The following NUDT8 variants were observed in gnomAD, a reference collection of about 807,000 sequenced individuals.
The protein encoded by NUDT8 is mitochondrial coenzyme A diphosphatase NUDT8.
In NUDT8, 14 loss-of-function variants were observed where a neutral mutation model predicts 12.5. That is an observed-to-expected ratio of 1.12 (90% CI 0.74 to 1.75). The LOEUF is 1.75. Among genes scored for constraint, NUDT8 ranks in the 40% most tolerant of loss-of-function variants. The pLI is 0.00. For synonymous variants in NUDT8, 163 were observed against 156.2 expected (o/e 1.04, Z -0.33); for missense variants, 337 against 318.5 (o/e 1.06, Z -0.44).
intron 1 of NUDT8, 168 bp from the exon 2 acceptor site, chr11:67,629,219 T>C (rs938805416): frequency 1.4e-5 from 9 of 638,226 alleles, no homozygotes; most frequent in Non-Finnish European, 2.1e-5. Context: ...CCAGTTTACC[T>C]CCCTGAGCAA....
chr11:67,629,362 GTTC>G, intron 1 of NUDT8: 1 of 413,484 alleles, frequency 2.4e-6, no homozygotes. Context: ...TCCTCAGGAT[GTTC>G]TTAATTCCCG....
chr11:67,628,310 T>C lies in NUDT8; in HGVS notation c.405+13A>G, dbSNP rs2134094289. The stretch of plus-strand genomic sequence containing the variant: ...ACTGGAACAGCCCAACCCCCTCATA[T>C]CCCCCAGCTCACCTCCTCCGAGTTG... On this transcript the variant is annotated intron_variant, in intron 3 of 3. Transcript: ENST00000376693. The C allele has an allele frequency of 6.2e-7, 1 of 1,613,662 alleles. No homozygotes were observed. Among genetic ancestry groups the C allele is most frequent in the Non-Finnish European group, 8.5e-7 (1 of 1,179,926 alleles).
rs775716950 is a variant in NUDT8, at chr11:67,629,795, G to A, written c.117C>T (p.Cys39=). Residue 39 remains cysteine (C), a synonymous_variant, in exon 1 of 4, where the codon TGC becomes TGT. Transcript: ENST00000376693. ...PASAAVLVPL[C]SVRGVPALLY... Reference sequence around the variant, plus strand: ...GCAGCGCCGGGACCCCACGCACTGAGCAGAGCGGCACGAGCACCGCGGCCG... The same window carrying A: ...GCAGCGCCGGGACCCCACGCACTGAACAGAGCGGCACGAGCACCGCGGCCG... 3.3e-5 allele frequency: 49 copies of A among 1,488,772 alleles called. No homozygotes were observed. The African/African-American group carries it at 4.9e-4, about 15-fold the overall frequency. 92.2% of individuals were successfully genotyped at this position (1,488,772 alleles called of 1,614,324 possible). A position where few individuals can be genotyped will look rare whatever the true frequency, so the allele number is the denominator to read the frequency against.
In NUDT8 at chr11:67,628,029, C is replaced by A; in HGVS notation, c.628G>T (p.Ala210Ser). 6.3e-7 allele frequency: 1 copy of A among 1,598,350 alleles called. No individual in the cohort carries two copies. The highest frequency in any genetic ancestry group is 8.5e-7 in the Non-Finnish European group (1 of 1,179,772). Reference sequence around the variant, plus strand: ...TGCTTAGGGCGGGCCAGACCCTCAGCCCCTGAGCAGGTCAGGCCGGCCAGG... The same window carrying A: ...TGCTTAGGGCGGGCCAGACCCTCAGACCCTGAGCAGGTCAGGCCGGCCAGG... ...PRLAGLTCSG[A>S]EGLARPKQPL... is the part of the protein sequence containing the mutation. The change falls in exon 4 of 4, where the codon GCT becomes TCT. Residue 210 changes from alanine to serine, a missense_variant. Physicochemically the swap from Ala to Ser is moderately conservative, Grantham distance 99. Coordinates refer to ENST00000376693, the MANE Select transcript of NUDT8 (RefSeq NM_001243750.2).
chr11:67,628,155 G>A lies in NUDT8; in HGVS notation c.502C>T (p.Leu168=), dbSNP rs1369037541. The change falls in exon 4 of 4, where the codon CTA becomes TTA. Residue 168 remains leucine (L), a synonymous_variant. Coordinates refer to ENST00000376693, the MANE Select transcript of NUDT8 (RefSeq NM_001243750.2). ...TGTGGTCCATGCAGGAAGACGGGTA[G>A]TGTGTAGCGGAAGTGGCCACCCCGG... ...FCRGGHFRYT[L]PVFLHGPHRV... 2 of 1,602,938 alleles carry A rather than the reference G, an allele frequency of 1.2e-6. No homozygotes were observed. Among genetic ancestry groups the A allele is most frequent in the Admixed American group, 3.3e-5 (2 of 60,022 alleles).
chr11:67,628,178 C>G lies in NUDT8; in HGVS notation c.479G>C (p.Arg160Pro). Residue 160 changes from arginine (R) to proline (P), a missense_variant, in exon 4 of 4, where the codon CGG becomes CCG. Arg to Pro is a moderately radical substitution (Grantham distance 103, BLOSUM62 -2). Transcript: ENST00000376693. ...TQNQGYTHFCRGGHFRYTLPV... is the reference protein window; with the variant it reads ...TQNQGYTHFCPGGHFRYTLPV... ...TAGTGTGTAGCGGAAGTGGCCACCC[C>G]GGCAGAAGTGGGTATAGCCCTGATT... 1 of 1,607,650 alleles carries G rather than the reference C, an allele frequency of 6.2e-7. No homozygotes were observed. The highest frequency in any genetic ancestry group is 8.5e-7 in the Non-Finnish European group (1 of 1,179,824).
At position 67,629,825 on chromosome 11, in the gene NUDT8, G is replaced by A; in HGVS notation, c.87C>T (p.Pro29=). The change falls in exon 1 of 4, where the codon CCC becomes CCT. Residue 29 remains proline, a synonymous_variant. Transcript: ENST00000376693. ...AGATARLRAR[P]ASAAVLVPLC... ...GCGGCACGAGCACCGCGGCCGACGC[G>A]GGCCGCGCGCGGAGCCGGGCCGTGG... 7.2e-7 allele frequency: 1 copy of A among 1,388,410 alleles called. No individual in the cohort carries two copies. Among genetic ancestry groups the A allele is most frequent in the Non-Finnish European group, 9.3e-7 (1 of 1,071,510 alleles). The allele number at this position is 1,388,410 out of a possible 1,614,324, so 86.0% of individuals were successfully genotyped here. A position where few individuals can be genotyped will look rare whatever the true frequency, so the allele number is the denominator to read the frequency against.
intron 2 of NUDT8, among the ~76,000 whole-genome samples, 188 bp from the exon 3 acceptor site, chr11:67,628,588 C>T (rs1175622490): frequency 6.6e-6 from 1 of 152,192 alleles, no homozygotes; most frequent in African/African-American, 2.4e-5. Context: ...GACCTGTTCC[C>T]TCTGCTTAGG....
At chr11:67,629,403 T>C in intron 1 of NUDT8, 1 of 386,344 alleles carries the variant, frequency 2.6e-6, no homozygotes, top group Admixed American at 4.5e-5. Flanking sequence ...CTCTCCGTAG[T>C]CGCCGGCAGG....
At position 67,628,318 on chromosome 11, in the gene NUDT8, C is replaced by T; in HGVS notation, c.405+5G>A. The stretch of plus-strand genomic sequence containing the variant: ...AGCCCAACCCCCTCATATCCCCCAG[C>T]TCACCTCCTCCGAGTTGGGCCTGAG... On this transcript the variant is annotated splice_donor_5th_base_variant and intron_variant, in intron 3 of 3. Transcript: ENST00000376693. 3 of 1,613,990 alleles carry T rather than the reference C, an allele frequency of 1.9e-6. No homozygotes were observed. Among genetic ancestry groups the T allele is most frequent in the Non-Finnish European group, 2.5e-6 (3 of 1,180,002 alleles).
intron 1 of NUDT8, 85 bp from the exon 2 acceptor site, chr11:67,629,136 C>G: frequency 7.1e-7 from 1 of 1,411,432 alleles, no homozygotes; most frequent in South Asian, 1.3e-5. Context: ...GGGCCACTGG[C>G]CCACCGAAGT....
intron 1 of NUDT8, 67 bp from the exon 2 acceptor site, chr11:67,629,118 T>G (rs117077780): frequency 2.7e-6 from 4 of 1,487,842 alleles, no homozygotes; most frequent in Non-Finnish European, 3.6e-6. Context: ...GTATCGGCAG[T>G]GCGGGGGGGG....
chr11:67,629,784 C>G lies in NUDT8; in HGVS notation c.128G>C (p.Gly43Ala). ...CAGCGTGTACAGCAGCGCCGGGACC[C>G]CACGCACTGAGCAGAGCGGCACGAG... ...AVLVPLCSVRGVPALLYTLRS... is the reference protein window; with the variant it reads ...AVLVPLCSVRAVPALLYTLRS... The change falls in exon 1 of 4, where the codon GGG becomes GCG. Residue 43 changes from glycine (G) to alanine (A), a missense_variant. Gly to Ala is a moderately conservative substitution (Grantham distance 60, BLOSUM62 0). Transcript: ENST00000376693. 6.5e-7 allele frequency: 1 copy of G among 1,529,692 alleles called. No individual in the cohort carries two copies. The highest frequency in any genetic ancestry group is 8.7e-7 in the Non-Finnish European group (1 of 1,146,796). 94.8% of individuals were successfully genotyped at this position (1,529,692 alleles called of 1,614,324 possible). A position where few individuals can be genotyped will look rare whatever the true frequency, so the allele number is the denominator to read the frequency against.
chr11:67,628,950 A>G lies in NUDT8; in HGVS notation c.296T>C (p.Val99Ala), dbSNP rs1855159093. ...ATACACAGGCCGCAGCAGGCCCCACACGTGCTCCTCGGGCACTGCCAGGCC... is the reference window on the plus strand; with the variant it reads ...ATACACAGGCCGCAGCAGGCCCCACGCGTGCTCCTCGGGCACTGCCAGGCC... ...ELGLAVPEEH[V>A]WGLLRPVYDP... The change falls in exon 2 of 4, where the codon GTG (valine) becomes GCG (alanine). Residue 99 changes from valine (V) to alanine (A), a missense_variant. Val to Ala is a moderately conservative substitution (Grantham distance 64, BLOSUM62 0). Transcript: ENST00000376693. The G allele has an allele frequency of 1.2e-6, 2 of 1,612,118 alleles. No individual in the cohort carries two copies. Among genetic ancestry groups the G allele is most frequent in the African/African-American group, 2.7e-5 (2 of 74,900 alleles).
Position 67,628,144 on chromosome 11 carries a change from G to C in NUDT8, c.513C>G (p.Phe171Leu). 1 of 1,601,170 alleles carries C rather than the reference G, an allele frequency of 6.2e-7. No homozygotes were observed. The highest frequency in any genetic ancestry group is 2.2e-5 in the East Asian group (1 of 44,890). ...CCCAGACCCGGTGTGGTCCATGCAG[G>C]AAGACGGGTAGTGTGTAGCGGAAGT... ...GGHFRYTLPVFLHGPHRVWGL... is the reference protein window; with the variant it reads ...GGHFRYTLPVLLHGPHRVWGL... Residue 171 changes from phenylalanine (F) to leucine (L), a missense_variant, in exon 4 of 4, where the codon TTC (phenylalanine) becomes TTG (leucine). Phe to Leu is a conservative substitution (Grantham distance 22). Transcript: ENST00000376693.
At chr11:67,629,286 G>A in intron 1 of NUDT8, 1 of 461,162 alleles carries the variant, frequency 2.2e-6, no homozygotes, top group East Asian at 3.5e-5. Flanking sequence ...TGCAGCAGGG[G>A]CAAGAAGATC....
At chr11:67,629,590 C>G in intron 1 of NUDT8, 128 bp downstream of exon 1, 2 of 454,374 alleles carry the variant, frequency 4.4e-6, no homozygotes, top group Non-Finnish European at 7.4e-6. Flanking sequence ...CGGAGGGACT[C>G]TCCCCAGACC....
chr11:67,629,767 A>G lies in NUDT8; in HGVS notation c.145T>C (p.Tyr49His). 2 of 1,540,916 alleles carry G rather than the reference A, an allele frequency of 1.3e-6. No homozygotes were observed. Among genetic ancestry groups the G allele is most frequent in the African/African-American group, 1.4e-5 (1 of 70,280 alleles). Reference sequence around the variant, plus strand: ...GTCAGGCGGCTGGACCGCAGCGTGTACAGCAGCGCCGGGACCCCACGCACT... The same window carrying G: ...GTCAGGCGGCTGGACCGCAGCGTGTGCAGCAGCGCCGGGACCCCACGCACT... ...CSVRGVPALL[Y>H]TLRSSRLTGR... The change falls in exon 1 of 4, where the codon TAC becomes CAC. Residue 49 changes from tyrosine to histidine, a missense_variant. By Grantham distance (83) the Tyr-to-His change is moderately conservative. Transcript: ENST00000376693.
Position 67,629,069 on chromosome 11 carries a change from G to A in NUDT8, c.195-18C>T. The stretch of plus-strand genomic sequence containing the variant: ...CTGGGAAACTAAACAGACACAAGGA[G>A]TCTGGTCCTTGGACTCTTGGGGCCA... On this transcript the variant is annotated intron_variant, in intron 1 of 3. Coordinates refer to ENST00000376693, the MANE Select transcript of NUDT8 (RefSeq NM_001243750.2). 6.2e-7 allele frequency: 1 copy of A among 1,601,124 alleles called. No individual in the cohort carries two copies. Among genetic ancestry groups the A allele is most frequent in the Non-Finnish European group, 8.5e-7 (1 of 1,172,372 alleles).
Sources: gnomAD v4.1 joint callset for allele counts (sites outside exome capture counted in the v4.1 genomes callset) on GRCh38, gnomAD v4.1.1 for gene constraint, MANE v1.5 for transcripts, NCBI Gene and HGNC (gene_info 2026-07-23, HGNC 2026-07-21) for gene names.